SSH2: variants seen among roughly 807,000 people sequenced by gnomAD.
SSH2 encodes slingshot protein phosphatase 2, also known as protein phosphatase Slingshot homolog 2.
A neutral mutation model predicts 135.2 loss-of-function variants in SSH2; 37 were observed. That is an observed-to-expected ratio of 0.27 (90% CI 0.21 to 0.36). SSH2 has a LOEUF of 0.36. Among genes scored for constraint, SSH2 ranks in the 10% least tolerant of loss-of-function variants. SSH2 has a pLI of 1.00. For missense variants in SSH2, 1,408 were observed against 1,765.3 expected, an observed-to-expected ratio of 0.80 and a Z score of 3.63; for synonymous variants, 628 against 646.2, an observed-to-expected ratio of 0.97 and a Z score of 0.43.
chr17:29,801,048 A>G (rs1211655356), intron 2 of SSH2, among the ~76,000 whole-genome samples: 4 of 151,806 alleles, frequency 2.6e-5, no homozygotes, highest in Non-Finnish European at 4.4e-5. Context: ...TATTTTTAGT[A>G]GAGATGGGGT....
Position 29,778,795 on chromosome 17 carries a change from C to T in SSH2, c.188+15099G>A, listed in dbSNP as rs1411306056. Among the ~76,000 whole-genome samples, 4 of 140,366 alleles carry T rather than the reference C, an allele frequency of 2.8e-5. No individual in the cohort carries two copies. In the East Asian group the frequency reaches 8.5e-4, roughly 30 times the overall value. 92.1% of individuals were successfully genotyped at this position (140,366 alleles called of 152,430 possible). ...GTTGCAGTGAGCTGAGATCATGCCA[C>T]TGCACTCTAGCCTGGGTGACAGAGT... On this transcript the variant is annotated intron_variant, in intron 3 of 15. Transcript: ENST00000540801.
intron 1 of SSH2, among the ~76,000 whole-genome samples, chr17:29,924,008 G>T (rs1373714776): frequency 6.6e-6 from 1 of 152,132 alleles, no homozygotes; most frequent in Non-Finnish European, 1.5e-5. Flanking sequence ...AAAAAACAAA[G>T]ATATGAAATT....
At chr17:29,792,302 T>C (rs920752050) in intron 3 of SSH2, among the ~76,000 whole-genome samples, 2 of 152,158 alleles carry the variant, frequency 1.3e-5, no homozygotes, top group African/African-American at 4.8e-5. Context: ...ATTATTCCAG[T>C]GGATATTGAG....
intron 2 of SSH2, among the ~76,000 whole-genome samples, chr17:29,810,364 C>G (rs1258214916): frequency 6.6e-6 from 1 of 152,168 alleles, no homozygotes; most frequent in Non-Finnish European, 1.5e-5. Context: ...AATTAGGGAA[C>G]TAATCATCAT....
At chr17:29,883,882 T>C (rs1252899250) in intron 1 of SSH2, among the ~76,000 whole-genome samples, 1 of 152,208 alleles carries the variant, frequency 6.6e-6, no homozygotes, top group African/African-American at 2.4e-5. Flanking sequence ...AGAAAAATAT[T>C]TGACCTTGCA....
rs1901278710 is a variant in SSH2 at position 29,635,975 on chromosome 17, T to C, written c.2255A>G (p.Gln752Arg). The change falls in exon 15 of 16, where the codon CAG becomes CGG. Residue 752 changes from glutamine (Q) to arginine (R), a missense_variant. By Grantham distance (43) the Gln-to-Arg change is conservative. Transcript: ENST00000540801. The part of the protein sequence containing the change: ...ASEESSMDEE[Q>R]SKAISELVSP... Reference sequence around the variant, plus strand: ...TATAAAGACAGTTTTTACCTTTGACTGTTCCTCATCCATTGAAGATTCTTC... The same window carrying C: ...TATAAAGACAGTTTTTACCTTTGACCGTTCCTCATCCATTGAAGATTCTTC... 1 of 1,607,230 alleles carries C rather than the reference T, an allele frequency of 6.2e-7. No homozygotes were observed. The highest frequency in any genetic ancestry group is 1.7e-5 in the Admixed American group (1 of 59,518).
rs374708601 is a variant in SSH2, at chr17:29,708,993, AATAT to A, written c.189-5935_189-5932del. 1.2e-3 allele frequency among the ~76,000 whole-genome samples: 77 copies of A among 65,826 alleles called. 1 individual carries two copies. Among genetic ancestry groups the A allele is most frequent in the African/African-American group, 3.9e-3 (67 of 17,246 alleles). The allele number at this position is 65,826 out of a possible 152,430, so 43.2% of individuals were successfully genotyped here. A position where few individuals can be genotyped will look rare whatever the true frequency, so the allele number is the denominator to read the frequency against. On this transcript the variant is annotated intron_variant, in intron 3 of 15. Coordinates refer to ENST00000540801, the MANE Select transcript of SSH2 (RefSeq NM_001282129.2). ...AGGGGAAAGTCATCCCTAGTTAAGA[AATAT>A]ATATATATATATATATATAGAGAGA... is the stretch of plus-strand genomic sequence containing the variant.
At chr17:29,650,964 G>T (rs1328479174) in intron 12 of SSH2, among the ~76,000 whole-genome samples, 164 bp from the exon 13 acceptor site, 2 of 152,192 alleles carry the variant, frequency 1.3e-5, no homozygotes, top group East Asian at 3.8e-4. Flanking sequence ...ATTTATTAGA[G>T]AAATGATACA....
chr17:29,809,443 C>G (rs991731739), intron 2 of SSH2, among the ~76,000 whole-genome samples: 1 of 152,130 alleles, frequency 6.6e-6, no homozygotes, highest in Non-Finnish European at 1.5e-5. Context: ...TTTTGCTGTA[C>G]TTAAAGTCTT....
At chr17:29,670,650 T>G (rs1187307953) in intron 9 of SSH2, among the ~76,000 whole-genome samples, 1 of 152,178 alleles carries the variant, frequency 6.6e-6, no homozygotes, top group Non-Finnish European at 1.5e-5. Context: ...GGCATGCGCC[T>G]GTAATCCCAG....
At chr17:29,709,943 G>A (rs1428792760) in intron 3 of SSH2, among the ~76,000 whole-genome samples, 1 of 152,224 alleles carries the variant, frequency 6.6e-6, no homozygotes, top group Non-Finnish European at 1.5e-5. Context: ...AAAGTGCTCT[G>A]TGACAATCCT....
intron 1 of SSH2, among the ~76,000 whole-genome samples, chr17:29,872,330 T>G (rs1260806381): frequency 3.9e-5 from 6 of 152,080 alleles, no homozygotes. Flanking sequence ...AGAATCAAAA[T>G]AGTAATATTA....
intron 3 of SSH2, among the ~76,000 whole-genome samples, chr17:29,729,928 G>A (rs996148267): frequency 2.6e-5 from 4 of 152,042 alleles, no homozygotes; most frequent in Non-Finnish European, 4.4e-5. Flanking sequence ...TGGCTAATGG[G>A]TACAAAAATA....
chr17:29,888,661 G>T (rs1010108072), intron 1 of SSH2, among the ~76,000 whole-genome samples: 2 of 151,834 alleles, frequency 1.3e-5, no homozygotes, highest in Non-Finnish European at 1.5e-5. Flanking sequence ...ACAGCCAGCT[G>T]CAATGGCTAT....
intron 1 of SSH2, among the ~76,000 whole-genome samples, chr17:29,879,514 G>A (rs530535611): frequency 2.0e-5 from 3 of 151,758 alleles, no homozygotes; most frequent in South Asian, 2.1e-4. Flanking sequence ...CAACATCTCC[G>A]ACCAAAGTGG....
chr17:29,894,506 G>A (rs1302367918), intron 1 of SSH2, among the ~76,000 whole-genome samples: 1 of 151,980 alleles, frequency 6.6e-6, no homozygotes, highest in Non-Finnish European at 1.5e-5. Context: ...GATTACTTAC[G>A]ATACCTACTT....
rs141301881 is a variant in SSH2 at position 29,707,636 on chromosome 17, G to A, written c.189-4574C>T. Among the ~76,000 whole-genome samples the A allele has an allele frequency of 7.3e-4, 110 of 151,292 alleles. 1 individual carries two copies. Among genetic ancestry groups the A allele is most frequent in the African/African-American group, 2.4e-3 (97 of 41,132 alleles). ...TGCCTCCTGGGCTCAAACGATTCTC[G>A]TGCCTCAGCCTCGCGAACAGCTGGG... On this transcript the variant is annotated intron_variant, in intron 3 of 15. Transcript: ENST00000540801.
intron 4 of SSH2, among the ~76,000 whole-genome samples, chr17:29,698,856 G>T (rs1286733743): frequency 6.6e-6 from 1 of 152,068 alleles, no homozygotes; most frequent in East Asian, 1.9e-4. Context: ...CAGAGGAAAG[G>T]ATTTTTAGGA....
intron 12 of SSH2, among the ~76,000 whole-genome samples, chr17:29,654,156 A>C (rs181193816): frequency 1.3e-5 from 2 of 152,166 alleles, no homozygotes; most frequent in Non-Finnish European, 2.9e-5. Flanking sequence ...ACAGTGTTCA[A>C]ATATGTGTGA....
Sources: gnomAD v4.1 joint callset for allele counts (sites outside exome capture counted in the v4.1 genomes callset) on GRCh38, gnomAD v4.1.1 for gene constraint, MANE v1.5 for transcripts, NCBI Gene and HGNC (gene_info 2026-07-23, HGNC 2026-07-21) for gene names.